The following G2E3 variants were observed in gnomAD, a reference collection of about 807,000 sequenced individuals.
The protein encoded by G2E3 is G2/M-phase specific E3 ubiquitin protein ligase.
Under a neutral mutation model 92.8 loss-of-function variants are expected in G2E3, and 35 were observed. That is an observed-to-expected ratio of 0.38 (90% CI 0.29 to 0.50). G2E3 has a LOEUF of 0.50. Ranked by LOEUF, G2E3 falls within the 20% of genes least tolerant of loss-of-function variation. The pLI, the probability that G2E3 is intolerant of heterozygous loss-of-function variation, is 0.94. For missense variants in G2E3, 554 were observed against 823.8 expected, an observed-to-expected ratio of 0.67 and a Z score of 4.01; for synonymous variants, 242 against 272.4, an observed-to-expected ratio of 0.89 and a Z score of 1.10.
At position 30,610,285 on chromosome 14, in the gene G2E3, A is replaced by C. The variant is rs939468715; in HGVS notation, c.1501-1922A>C. 7.9e-5 allele frequency among the ~76,000 whole-genome samples: 12 copies of C among 152,230 alleles called. 1 individual carries two copies. Among genetic ancestry groups the C allele is most frequent in the Admixed American group, 7.2e-4 (11 of 15,286 alleles). Reference sequence around the variant, plus strand: ...ACAGAAGATAAACAACAAATGTAATATGCCATCACGTAGTAAAATGTATTA... The same window carrying C: ...ACAGAAGATAAACAACAAATGTAATCTGCCATCACGTAGTAAAATGTATTA... On this transcript the variant is annotated intron_variant, in intron 12 of 14. Coordinates refer to ENST00000206595, the MANE Select transcript of G2E3 (RefSeq NM_017769.5).
chr14:30,585,644 A>G (rs905769082), intron 2 of G2E3, among the ~76,000 whole-genome samples: 6 of 150,584 alleles, frequency 4.0e-5, no homozygotes, highest in Admixed American at 2.6e-4. Context: ...TTTAAAAAGA[A>G]CCAACTTTTT....
chr14:30,578,975 G>A (rs1880276532), intron 1 of G2E3, among the ~76,000 whole-genome samples: 2 of 152,116 alleles, frequency 1.3e-5, no homozygotes, highest in South Asian at 4.1e-4. Context: ...ATATGGATCT[G>A]TTTCTGAGTT....
At chr14:30,611,679 A>G (rs1345114714) in intron 12 of G2E3, 1 of 151,764 alleles carries the variant, frequency 6.6e-6, no homozygotes, top group Non-Finnish European at 1.5e-5. Context: ...TTTTTAAGAG[A>G]TAAGGTCTCA....
At chr14:30,608,615 C>T (rs1045483422) in intron 12 of G2E3, among the ~76,000 whole-genome samples, 1 of 152,208 alleles carries the variant, frequency 6.6e-6, no homozygotes, top group Non-Finnish European at 1.5e-5. Flanking sequence ...TTCATTTATT[C>T]AGCACTTATA....
intron 13 of G2E3, among the ~76,000 whole-genome samples, chr14:30,614,128 G>T (rs1275292603): frequency 6.6e-6 from 1 of 152,150 alleles, no homozygotes; most frequent in East Asian, 1.9e-4. Context: ...AGAAGTATAG[G>T]TTTCATCCTT....
intron 1 of G2E3, among the ~76,000 whole-genome samples, chr14:30,577,398 A>G (rs1880177244): frequency 6.6e-6 from 1 of 152,140 alleles, no homozygotes; most frequent in Non-Finnish European, 1.5e-5. Context: ...TAAACAATAA[A>G]CATTTAATTA....
rs549757849 is a variant in G2E3 at position 30,617,576 on chromosome 14, T to C, written c.*1042T>C. 6.6e-6 allele frequency: 1 copy of C among 152,104 alleles called. No homozygotes were observed. The allele number at this position is 152,104 out of a possible 1,614,324, so 9.4% of individuals were successfully genotyped here. Reference sequence around the variant, plus strand: ...TTGACGCCATAGCATTATACAGTTATCTTCATTGCTCTTGAATGATATCTG... The same window carrying C: ...TTGACGCCATAGCATTATACAGTTACCTTCATTGCTCTTGAATGATATCTG... On this transcript the variant is annotated 3_prime_UTR_variant, in exon 15 of 15. Transcript: ENST00000206595.
intron 1 of G2E3, among the ~76,000 whole-genome samples, chr14:30,565,000 G>A (rs1224224603): frequency 6.6e-6 from 1 of 152,158 alleles, no homozygotes; most frequent in African/African-American, 2.4e-5. Context: ...CATAGCTAGT[G>A]GAATTGCTGG....
intron 8 of G2E3, among the ~76,000 whole-genome samples, chr14:30,600,828 C>A (rs72666423): frequency 6.6e-6 from 1 of 152,156 alleles, no homozygotes; most frequent in Non-Finnish European, 1.5e-5. Flanking sequence ...CTTGAGTGGA[C>A]AAGTTATTGA....
At chr14:30,602,287 C>T (rs1049618181) in intron 10 of G2E3, among the ~76,000 whole-genome samples, 156 bp downstream of exon 10, 9 of 152,148 alleles carry the variant, frequency 5.9e-5, no homozygotes, top group African/African-American at 1.9e-4. Context: ...GAAATCAATG[C>T]AACCAGCATT....
In G2E3 at chr14:30,593,540, A is replaced by G. The variant is rs1343730044; in HGVS notation, c.429A>G (p.Pro143=). The change falls in exon 6 of 15, where the codon CCA becomes CCG. Residue 143 remains proline (P), a synonymous_variant. Transcript: ENST00000206595. ...ITSNNYRESL[P]CTICLEFIEP... Reference sequence around the variant, plus strand: ...CTAATAATTATAGAGAGTCCTTACCATGCACCATTTGCTTGGAATTTATTG... The same window carrying G: ...CTAATAATTATAGAGAGTCCTTACCGTGCACCATTTGCTTGGAATTTATTG... 7.6e-6 allele frequency: 12 copies of G among 1,573,424 alleles called. No individual in the cohort carries two copies. Among genetic ancestry groups the G allele is most frequent in the East Asian group, 4.5e-5 (2 of 44,620 alleles).
intron 13 of G2E3, among the ~76,000 whole-genome samples, chr14:30,614,927 T>A (rs1344320488): frequency 6.6e-6 from 1 of 152,172 alleles, no homozygotes; most frequent in African/African-American, 2.4e-5. Context: ...TTTTTAGCAA[T>A]ACATGGGTTT....
At chr14:30,592,259 C>A in intron 4 of G2E3, 64 bp from the exon 5 acceptor site, 2 of 1,392,406 alleles carry the variant, frequency 1.4e-6, no homozygotes, top group Non-Finnish European at 2.0e-6. Flanking sequence ...TTATTTATGT[C>A]TTGATCATAT....
At chr14:30,598,698 G>T in intron 8 of G2E3, 99 bp downstream of exon 8, 2 of 816,536 alleles carry the variant, frequency 2.4e-6, no homozygotes, top group South Asian at 2.8e-5. Context: ...TTTCTCTTAG[G>T]ATGTTAGAAG....
chr14:30,594,254 T>C (rs757385016), intron 6 of G2E3, among the ~76,000 whole-genome samples: 7 of 152,200 alleles, frequency 4.6e-5, no homozygotes, highest in African/African-American at 9.6e-5. Flanking sequence ...ATTCCAGTTA[T>C]TAGTAACATC....
chr14:30,588,195 A>T (rs1033557657), intron 3 of G2E3, among the ~76,000 whole-genome samples: 1 of 149,004 alleles, frequency 6.7e-6, no homozygotes, highest in Non-Finnish European at 1.5e-5. Flanking sequence ...CATTTTTGTA[A>T]GTTTATTTTA....
intron 2 of G2E3, 115 bp from the exon 3 acceptor site, chr14:30,586,603 T>C (rs969598827): frequency 6.5e-6 from 3 of 459,510 alleles, no homozygotes; most frequent in South Asian, 4.4e-5. Flanking sequence ...ATCAATATTA[T>C]ATGATTTGCT....
intron 1 of G2E3, among the ~76,000 whole-genome samples, chr14:30,580,202 G>T (rs1161520231): frequency 2.6e-5 from 4 of 150,984 alleles, no homozygotes; most frequent in South Asian, 2.1e-4. Context: ...GATTGTTTTT[G>T]TTTTTTTTTG....
intron 4 of G2E3, among the ~76,000 whole-genome samples, chr14:30,589,706 A>C (rs904762721): frequency 6.6e-6 from 1 of 152,036 alleles, no homozygotes; most frequent in East Asian, 1.9e-4. Context: ...TACTGACTTC[A>C]CTTCCTTATC....
Sources: allele counts gnomAD v4.1 joint callset (sites outside exome capture counted in the v4.1 genomes callset), GRCh38; gene constraint gnomAD v4.1.1; transcripts MANE v1.5; gene names NCBI Gene and HGNC (gene_info 2026-07-23, HGNC 2026-07-21).